Variants in ELAVL2 observed in about 807,000 individuals in gnomAD.
The protein encoded by ELAVL2 is ELAV-like protein 2.
ELAVL2 carries 4 observed loss-of-function variants against 34.6 expected under a neutral mutation model. The observed-to-expected ratio is 0.12, with a 90% CI of 0.06 to 0.26. The LOEUF (loss-of-function observed/expected upper bound fraction) is 0.26. ELAVL2 is among the 10% of genes least tolerant of loss of function. The pLI is 1.00. For synonymous variants in ELAVL2, 193 were observed against 154.8 expected (o/e 1.25, Z -1.83); for missense variants, 432 against 442.8 (o/e 0.98, Z 0.22).
intron 4 of ELAVL2, among the ~76,000 whole-genome samples, chr9:23,703,349 G>A (rs978818334): frequency 6.6e-6 from 1 of 152,130 alleles, no homozygotes; most frequent in Admixed American, 6.5e-5. Context: ...TTCTAGGCCT[G>A]GATTTCTATT....
intron 1 of ELAVL2, among the ~76,000 whole-genome samples, chr9:23,777,334 A>C (rs904539460): frequency 1.3e-5 from 2 of 152,250 alleles, no homozygotes; most frequent in Admixed American, 6.5e-5. Context: ...TTCTGTGAAG[A>C]GTGTAGATCT....
chr9:23,703,605 C>T (rs2038236664), intron 4 of ELAVL2, among the ~76,000 whole-genome samples: 1 of 152,092 alleles, frequency 6.6e-6, no homozygotes, highest in Admixed American at 6.5e-5. Flanking sequence ...AATATGGGCT[C>T]CTCTGATTAG....
intron 1 of ELAVL2, among the ~76,000 whole-genome samples, chr9:23,809,254 C>T (rs2062654511): frequency 6.6e-6 from 1 of 152,052 alleles, no homozygotes; most frequent in Non-Finnish European, 1.5e-5. Context: ...ACGTTTACAC[C>T]AGCTTTCCAT....
chr9:23,801,653 A>G (rs1214943684), intron 1 of ELAVL2, among the ~76,000 whole-genome samples: 2 of 152,244 alleles, frequency 1.3e-5, no homozygotes, highest in African/African-American at 2.4e-5. Flanking sequence ...TAGGGTGTAT[A>G]AAGGTCAACA....
At chr9:23,701,655 G>C in intron 4 of ELAVL2, 51 bp from the exon 5 acceptor site, 4 of 1,574,490 alleles carry the variant, frequency 2.5e-6, no homozygotes, top group Non-Finnish European at 1.7e-6. Context: ...GAAGGAGAAG[G>C]GAAGGAGAGA....
chr9:23,706,997 T>C (rs2039534206), intron 3 of ELAVL2, among the ~76,000 whole-genome samples: 2 of 152,232 alleles, frequency 1.3e-5, no homozygotes, highest in Non-Finnish European at 1.5e-5. Flanking sequence ...ATACCTGTTG[T>C]TCCAAAGGCT....
intron 1 of ELAVL2, among the ~76,000 whole-genome samples, chr9:23,797,247 A>G (rs1039103768): frequency 1.3e-5 from 2 of 152,232 alleles, no homozygotes; most frequent in Admixed American, 6.5e-5. Flanking sequence ...GTTTAAAAGA[A>G]AAACACAGGC....
chr9:23,803,408 T>C (rs1304642117), intron 1 of ELAVL2, among the ~76,000 whole-genome samples: 3 of 152,214 alleles, frequency 2.0e-5, no homozygotes, highest in Admixed American at 6.5e-5. Context: ...TCCTACACAA[T>C]ACAAAGCATG....
At chr9:23,727,919 A>T (rs2045627429) in intron 3 of ELAVL2, among the ~76,000 whole-genome samples, 1 of 152,108 alleles carries the variant, frequency 6.6e-6, no homozygotes, top group South Asian at 2.1e-4. Context: ...ATATCCCAAT[A>T]ACCAGGAATT....
chr9:23,749,077 C>A (rs548834818), intron 2 of ELAVL2, among the ~76,000 whole-genome samples: 7 of 152,184 alleles, frequency 4.6e-5, no homozygotes, highest in African/African-American at 1.7e-4. Flanking sequence ...CTGCATAATA[C>A]TGTGAATGTG....
intron 2 of ELAVL2, among the ~76,000 whole-genome samples, chr9:23,739,248 C>T (rs532208688): frequency 2.6e-5 from 4 of 152,110 alleles, no homozygotes; most frequent in African/African-American, 4.8e-5. Flanking sequence ...TAGTGTAGCA[C>T]GCTCAGCACC....
intron 1 of ELAVL2, chr9:23,821,756 C>CCGCG: frequency 6.6e-6 from 1 of 151,134 alleles, no homozygotes; most frequent in Non-Finnish European, 1.5e-5. Flanking sequence ...CCCCGCCCCA[C>CCGCG]CCGCGCCGCG....
At chr9:23,814,975 C>G (rs6475756) in intron 1 of ELAVL2, among the ~76,000 whole-genome samples, 28,414 of 151,998 alleles carry the variant, frequency 0.19, 3,029 homozygotes, top group Admixed American at 0.28. Context: ...TGCTAAACAT[C>G]CTTTAAAAGC....
chr9:23,743,221 C>G (rs899904886), intron 2 of ELAVL2, among the ~76,000 whole-genome samples: 1 of 152,180 alleles, frequency 6.6e-6, no homozygotes, highest in Non-Finnish European at 1.5e-5. Context: ...CAGCAAACCA[C>G]TCTGAGACCA....
intron 1 of ELAVL2, among the ~76,000 whole-genome samples, chr9:23,813,687 C>T (rs2063330283): frequency 1.3e-5 from 2 of 152,142 alleles, no homozygotes; most frequent in East Asian, 3.9e-4. Flanking sequence ...GAGAGAAGCT[C>T]ATTTTATAAA....
At chr9:23,716,126 G>C (rs2042236823) in intron 3 of ELAVL2, among the ~76,000 whole-genome samples, 1 of 149,840 alleles carries the variant, frequency 6.7e-6, no homozygotes, top group Non-Finnish European at 1.5e-5. Flanking sequence ...GAGAACACTT[G>C]GACACAGGGT....
intron 1 of ELAVL2, among the ~76,000 whole-genome samples, chr9:23,809,990 C>T (rs1252285481): frequency 6.6e-6 from 1 of 152,000 alleles, no homozygotes; most frequent in Non-Finnish European, 1.5e-5. Context: ...TTTCTCAGAA[C>T]AAAAAGTAGT....
chr9:23,696,299 C>T (rs567069358), intron 5 of ELAVL2, among the ~76,000 whole-genome samples: 1 of 152,130 alleles, frequency 6.6e-6, no homozygotes, highest in South Asian at 2.1e-4. Context: ...GAAAAGGCAA[C>T]GGGTGCTCTA....
At chr9:23,699,514 T>A (rs1245857483) in intron 5 of ELAVL2, among the ~76,000 whole-genome samples, 2 of 152,224 alleles carry the variant, frequency 1.3e-5, no homozygotes, top group Non-Finnish European at 2.9e-5. Flanking sequence ...AACTTTGTTC[T>A]ATCTAAACTC....
Sources: allele counts gnomAD v4.1 joint callset (sites outside exome capture counted in the v4.1 genomes callset), GRCh38; gene constraint gnomAD v4.1.1; transcripts MANE v1.5; gene names NCBI Gene and HGNC (gene_info 2026-07-23, HGNC 2026-07-21).